Variants in GSE1 observed in about 807,000 individuals in gnomAD.
The protein encoded by GSE1 is genetic suppressor element 1.
Under a neutral mutation model 112.6 loss-of-function variants are expected in GSE1, and 32 were observed. That is an observed-to-expected ratio of 0.28 (90% confidence interval 0.21 to 0.38). The LOEUF is 0.38. GSE1 is among the 10% of genes least tolerant of loss of function. GSE1 has a pLI of 1.00. For missense variants in GSE1, 2,348 were observed against 1,699.2 expected (o/e 1.38, Z -6.71); for synonymous variants, 1,115 against 735.6 (o/e 1.52, Z -8.35).
chr16:85,543,386 G>T (rs1427061793), intron 2 of GSE1, among the ~76,000 whole-genome samples: 1 of 152,176 alleles, frequency 6.6e-6, no homozygotes, highest in East Asian at 1.9e-4. Context: ...TTTCTTTTCA[G>T]AGCAGGTTTT....
chr16:85,482,946 C>G (rs2050725380), intron 2 of GSE1, among the ~76,000 whole-genome samples: 1 of 148,910 alleles, frequency 6.7e-6, no homozygotes, highest in Non-Finnish European at 1.5e-5. Context: ...CCATTGCACT[C>G]CAGCCAGGAT....
At chr16:85,567,017 G>T (rs1343232968) in intron 1 of GSE1, among the ~76,000 whole-genome samples, 2 of 151,818 alleles carry the variant, frequency 1.3e-5, no homozygotes, top group Non-Finnish European at 2.9e-5. Context: ...AGGGCCCAGG[G>T]ACAAGGTGTT....
Position 85,657,522 on chromosome 16 carries a change from C to G in GSE1, c.1558C>G (p.Gln520Glu). The part of the protein sequence containing the change: ...DRQSQVSEFR[Q>E]QVLEQHLDMG... Reference sequence around the variant, plus strand: ...GCAGTCTCAGGTGTCCGAGTTCCGGCAGCAGGTGCTGGAGCAGCACCTGGA... The same window carrying G: ...GCAGTCTCAGGTGTCCGAGTTCCGGGAGCAGGTGCTGGAGCAGCACCTGGA... Residue 520 changes from glutamine to glutamate, a missense_variant, in exon 8 of 16, where the codon CAG (glutamine) becomes GAG (glutamate). Transcript: ENST00000253458. 6.2e-7 allele frequency: 1 copy of G among 1,604,862 alleles called. No individual in the cohort carries two copies. The highest frequency in any genetic ancestry group is 8.5e-7 in the Non-Finnish European group (1 of 1,176,200).
At chr16:85,575,708 T>C (rs762621154) in intron 1 of GSE1, among the ~76,000 whole-genome samples, 1 of 152,184 alleles carries the variant, frequency 6.6e-6, no homozygotes, top group Non-Finnish European at 1.5e-5. Context: ...CATCCTGTTA[T>C]GGAAGAATGT....
chr16:85,463,190 G>A (rs2050024037), intron 2 of GSE1: 1 of 837,348 alleles, frequency 1.2e-6, no homozygotes, highest in Non-Finnish European at 1.4e-6. Flanking sequence ...ACTTTCTGGG[G>A]CGCGCCACCC....
At chr16:85,599,859 C>T (rs1453933503) in intron 1 of GSE1, among the ~76,000 whole-genome samples, 3 of 152,176 alleles carry the variant, frequency 2.0e-5, no homozygotes, top group Admixed American at 2.0e-4. Context: ...ATGATCGTAC[C>T]ACTGCCAGCC....
At chr16:85,218,187 T>A (rs1372741913) in intron 1 of GSE1, among the ~76,000 whole-genome samples, 1 of 152,104 alleles carries the variant, frequency 6.6e-6, no homozygotes, top group African/African-American at 2.4e-5. Context: ...CAGACATGAA[T>A]CACCACGCCT....
At chr16:85,573,375 G>A (rs890239533) in intron 1 of GSE1, among the ~76,000 whole-genome samples, 2 of 152,130 alleles carry the variant, frequency 1.3e-5, no homozygotes, top group East Asian at 1.9e-4. Context: ...TGTTGATGAC[G>A]TTCAGCTTGC....
chr16:85,655,221 C>T (rs2051816945), intron 5 of GSE1, among the ~76,000 whole-genome samples: 1 of 152,212 alleles, frequency 6.6e-6, no homozygotes, highest in African/African-American at 2.4e-5. Flanking sequence ...TCATCCTTGG[C>T]TCCTCCCCTT....
Position 85,597,175 on chromosome 16 carries a change from C to T in GSE1, c.37+40812C>T, listed in dbSNP as rs147800649. ...TGCATTTGCAGTAGAGAAGGGGTTT[C>T]GCCATGTTGGCCAGGCTGGTCTCGA... On this transcript the variant is annotated intron_variant, in intron 1 of 2. Coordinates refer to the GSE1 transcript ENST00000635906. 3.6e-3 allele frequency among the ~76,000 whole-genome samples: 547 copies of T among 151,804 alleles called. 2 individuals carry two copies. The highest frequency in any genetic ancestry group is 0.013 in the African/African-American group (519 of 41,476).
At chr16:85,269,269 G>A (rs1908585463) in intron 1 of GSE1, among the ~76,000 whole-genome samples, 1 of 149,494 alleles carries the variant, frequency 6.7e-6, no homozygotes, top group Non-Finnish European at 1.5e-5. Flanking sequence ...CCCTTCCTGG[G>A]GGAGCATCCC....
At chr16:85,398,891 TA>T (rs2048027189) in intron 2 of GSE1, among the ~76,000 whole-genome samples, 1 of 152,084 alleles carries the variant, frequency 6.6e-6, no homozygotes, top group Non-Finnish European at 1.5e-5. Context: ...ACATGTGTGG[TA>T]TGTTTGTGTA....
At chr16:85,295,055 C>T (rs2045329216) in intron 1 of GSE1, among the ~76,000 whole-genome samples, 4 of 152,026 alleles carry the variant, frequency 2.6e-5, no homozygotes, top group African/African-American at 9.7e-5. Context: ...CACCAAATCA[C>T]CTCCTAAAAG....
intron 2 of GSE1, among the ~76,000 whole-genome samples, chr16:85,397,019 G>C (rs942101346): frequency 1.3e-5 from 2 of 152,194 alleles, no homozygotes; most frequent in African/African-American, 4.8e-5. Flanking sequence ...CCAAGAGACG[G>C]GGGCTCCCCT....
intron 2 of GSE1, among the ~76,000 whole-genome samples, chr16:85,370,361 G>T (rs1014859729): frequency 2.6e-5 from 4 of 152,126 alleles, no homozygotes; most frequent in African/African-American, 9.7e-5. Flanking sequence ...AAGCAGCTAA[G>T]CCATGGTCCT....
chr16:85,584,770 G>A (rs892864765), intron 1 of GSE1, among the ~76,000 whole-genome samples: 3 of 152,216 alleles, frequency 2.0e-5, no homozygotes, highest in Non-Finnish European at 2.9e-5. Flanking sequence ...TCGTGCATTG[G>A]CTTCCCTCTG....
intron 1 of GSE1, among the ~76,000 whole-genome samples, chr16:85,597,987 G>A (rs73271207): frequency 0.088 from 13,403 of 152,074 alleles, 1,927 homozygotes; most frequent in African/African-American, 0.3. Flanking sequence ...CTTGTGGAAT[G>A]GTAGAGAGGA....
chr16:85,260,319 CTTTTTTTTTTTTTT>C (rs111292010), intron 1 of GSE1, among the ~76,000 whole-genome samples: 1 of 94,868 alleles, frequency 1.1e-5, no homozygotes, highest in Non-Finnish European at 2.0e-5. Flanking sequence ...TTTTTCTTTT[CTTTTTTTTTTTTTT>C]TTTTTTTTGA....
intron 2 of GSE1, among the ~76,000 whole-genome samples, chr16:85,549,069 G>C (rs190592386): frequency 1.3e-5 from 2 of 152,174 alleles, no homozygotes; most frequent in Admixed American, 1.3e-4. Context: ...TTACAGCCGT[G>C]AGCCACCGCG....
Sources: allele counts gnomAD v4.1 joint callset (sites outside exome capture counted in the v4.1 genomes callset), GRCh38; gene constraint gnomAD v4.1.1; transcripts MANE v1.5; gene names NCBI Gene and HGNC (gene_info 2026-07-23, HGNC 2026-07-21).